The following NBEA variants were observed in gnomAD, a reference collection of about 807,000 sequenced individuals.
The protein encoded by NBEA is lysosomal-trafficking regulator 2.
In NBEA, 44 loss-of-function variants were observed where a neutral mutation model predicts 343.4. That is an observed-to-expected ratio of 0.13 (90% CI 0.10 to 0.16). The LOEUF is 0.16. Among genes scored for constraint, NBEA ranks in the 10% least tolerant of loss-of-function variants. NBEA has a pLI of 1.00. For missense variants in NBEA, 2,555 were observed against 3,631.3 expected, an observed-to-expected ratio of 0.70 and a Z score of 7.62; for synonymous variants, 1,175 against 1,238.7, an observed-to-expected ratio of 0.95 and a Z score of 1.08.
At chr13:35,346,931 T>G (rs568969535) in intron 36 of NBEA, among the ~76,000 whole-genome samples, 1 of 152,230 alleles carries the variant, frequency 6.6e-6, no homozygotes, top group South Asian at 2.1e-4. Flanking sequence ...AAGGAACCAT[T>G]CACCTGTCGG....
chr13:35,264,207 C>A (rs1438191780), intron 34 of NBEA, among the ~76,000 whole-genome samples: 2 of 151,336 alleles, frequency 1.3e-5, no homozygotes, highest in African/African-American at 4.8e-5. Flanking sequence ...AAGATTGAAT[C>A]ATGAAGAAAT....
chr13:35,255,045 C>G (rs953573016), intron 34 of NBEA, among the ~76,000 whole-genome samples: 1 of 151,968 alleles, frequency 6.6e-6, no homozygotes, highest in East Asian at 1.9e-4. Context: ...AAATAAAATG[C>G]GATTTTGTTT....
intron 34 of NBEA, among the ~76,000 whole-genome samples, chr13:35,276,284 C>A (rs569142618): frequency 6.6e-6 from 1 of 151,668 alleles, no homozygotes; most frequent in Non-Finnish European, 1.5e-5. Context: ...TTTTTAAATG[C>A]GAACCAGGAA....
At chr13:35,145,449 T>C (rs2068360937) in intron 18 of NBEA, among the ~76,000 whole-genome samples, 1 of 152,164 alleles carries the variant, frequency 6.6e-6, no homozygotes, top group African/African-American at 2.4e-5. Flanking sequence ...AGTTTAGAAC[T>C]TGAATAACAT....
chr13:35,165,938 A>C (rs962967468), intron 24 of NBEA, among the ~76,000 whole-genome samples: 8 of 151,458 alleles, frequency 5.3e-5, no homozygotes, highest in Admixed American at 3.3e-4. Context: ...GCCTGTCTCA[A>C]CCTCCCAAAG....
Position 35,155,776 on chromosome 13 carries a change from C to G in NBEA, c.2448C>G (p.Ile816Met), listed in dbSNP as rs912682750. Residue 816 changes from isoleucine to methionine, a missense_variant and splice_region_variant, in exon 19 of 59, where the codon ATC (isoleucine) becomes ATG (methionine). Ile to Met is a conservative substitution (Grantham distance 10). This residue lies in a region of NBEA where 360 missense variants were observed against 519.1 expected (regional missense o/e 0.69). Coordinates refer to ENST00000379939, the MANE Select transcript of NBEA (RefSeq NM_001385012.1). ...TVTTYNTLYEILTEQVCTQVV... is the reference protein window; with the variant it reads ...TVTTYNTLYEMLTEQVCTQVV... The stretch of plus-strand genomic sequence containing the variant: ...AGTTCAAATTCTTCATTTTTCAGAT[C>G]TTGACAGAACAAGTATGTACTCAGG... 3 of 1,602,220 alleles carry G rather than the reference C, an allele frequency of 1.9e-6. No homozygotes were observed. Among genetic ancestry groups the G allele is most frequent in the East Asian group, 4.5e-5 (2 of 44,766 alleles).
intron 35 of NBEA, among the ~76,000 whole-genome samples, chr13:35,295,787 T>G (rs2036089761): frequency 6.6e-6 from 1 of 152,166 alleles, no homozygotes; most frequent in Admixed American, 6.5e-5. Context: ...GTTCAATTAC[T>G]TACAGCATTC....
At chr13:35,606,994 A>G (rs2082305611) in intron 48 of NBEA, among the ~76,000 whole-genome samples, 1 of 152,210 alleles carries the variant, frequency 6.6e-6, no homozygotes, top group South Asian at 2.1e-4. Flanking sequence ...TATATGTGCG[A>G]TATTTATGCT....
chr13:35,473,798 G>C (rs1276658061), intron 41 of NBEA, among the ~76,000 whole-genome samples: 1 of 152,124 alleles, frequency 6.6e-6, no homozygotes, highest in African/African-American at 2.4e-5. Flanking sequence ...ATATTGGTCA[G>C]AAAGGATCGT....
intron 38 of NBEA, among the ~76,000 whole-genome samples, chr13:35,367,554 GTT>G (rs11316543): frequency 1.3e-4 from 18 of 143,636 alleles, no homozygotes; most frequent in African/African-American, 3.5e-4. Flanking sequence ...TGTTGTTGTT[GTT>G]TTTTTTTTTT....
At chr13:35,503,924 TA>T (rs2076980240) in intron 41 of NBEA, among the ~76,000 whole-genome samples, 1 of 152,158 alleles carries the variant, frequency 6.6e-6, no homozygotes, top group African/African-American at 2.4e-5. Flanking sequence ...GTTATTGTAT[TA>T]TTTTTCAATT....
At position 35,443,800 on chromosome 13, in the gene NBEA, A is replaced by G. The variant is rs145224446; in HGVS notation, c.6305-8292A>G. ...TTTAGTGTTTTTATTCAGTATCACTAACAGTTTTGCCATTGGGATTTTTCT... is the reference window on the plus strand; with the variant it reads ...TTTAGTGTTTTTATTCAGTATCACTGACAGTTTTGCCATTGGGATTTTTCT... On this transcript the variant is annotated intron_variant, in intron 39 of 58. Coordinates refer to ENST00000379939, the MANE Select transcript of NBEA (RefSeq NM_001385012.1). Among the ~76,000 whole-genome samples the G allele has an allele frequency of 1.6e-3, 245 of 152,092 alleles. 4 individuals carry two copies. The East Asian group carries it at 0.041, about 25-fold the overall frequency.
At chr13:35,118,505 A>C (rs778650532) in intron 16 of NBEA, 31 bp downstream of exon 16, 1 of 1,458,252 alleles carries the variant, frequency 6.9e-7, no homozygotes, top group Non-Finnish European at 9.4e-7. Flanking sequence ...TTACTATTAG[A>C]CTTTAATGGA....
Position 35,307,528 on chromosome 13 carries a change from C to A in NBEA, c.5839-2000C>A, listed in dbSNP as rs549095157. ...TTTCTCTTGATTTTTTTAGACAAGG[C>A]ATACTTTGGGATGCACATGTAATAC... is the stretch of plus-strand genomic sequence containing the variant. On this transcript the variant is annotated intron_variant, in intron 35 of 58. Transcript: ENST00000379939. Among the ~76,000 whole-genome samples, 160 of 152,052 alleles carry A rather than the reference C, an allele frequency of 1.1e-3. 1 individual carries two copies. The Middle Eastern group carries it at 0.014, about 13-fold the overall frequency.
intron 40 of NBEA, among the ~76,000 whole-genome samples, chr13:35,468,896 C>G (rs543089583): frequency 1.3e-5 from 2 of 152,014 alleles, no homozygotes; most frequent in South Asian, 4.2e-4. Flanking sequence ...GTTAGGAGTT[C>G]AAGACTAGTC....
chr13:35,050,252 C>T lies in NBEA; in HGVS notation c.846-17C>T, dbSNP rs1168022284. 1 of 1,605,012 alleles carries T rather than the reference C, an allele frequency of 6.2e-7. No homozygotes were observed. The highest frequency in any genetic ancestry group is 2.2e-5 in the East Asian group (1 of 44,594). On this transcript the variant is annotated splice_polypyrimidine_tract_variant and intron_variant, in intron 5 of 58. Transcript: ENST00000379939. ...TTTTATCAGAGGATATTATACTATT[C>T]TCAGTTGTCTTTGCAGTTTTCGTAC...
chr13:35,508,881 C>T (rs760975542), intron 41 of NBEA, among the ~76,000 whole-genome samples: 11 of 152,150 alleles, frequency 7.2e-5, no homozygotes, highest in African/African-American at 1.4e-4. Flanking sequence ...AGTTGAATGG[C>T]GGATTGTTTG....
At chr13:35,473,277 A>G (rs2075733617) in intron 41 of NBEA, among the ~76,000 whole-genome samples, 1 of 152,144 alleles carries the variant, frequency 6.6e-6, no homozygotes, top group Admixed American at 6.5e-5. Flanking sequence ...GCAATTTGCA[A>G]ACTTCTATTC....
intron 38 of NBEA, among the ~76,000 whole-genome samples, chr13:35,397,721 C>T (rs1192934403): frequency 6.6e-6 from 1 of 152,094 alleles, no homozygotes; most frequent in Admixed American, 6.6e-5. Flanking sequence ...TTACACTATA[C>T]AGAAGTCTGT....
Sources: gnomAD v4.1 joint callset for allele counts (sites outside exome capture counted in the v4.1 genomes callset) on GRCh38, gnomAD v4.1.1 for gene constraint, gnomAD v4.1.1 regional missense constraint, MANE v1.5 for transcripts, NCBI Gene and HGNC (gene_info 2026-07-23, HGNC 2026-07-21) for gene names.